Variants in ARHGAP19 observed in about 807,000 individuals in gnomAD.
The protein encoded by ARHGAP19 is Rho GTPase activating protein 19.
ARHGAP19 carries 48 observed loss-of-function variants against 60.9 expected under a neutral mutation model. That is an observed-to-expected ratio of 0.79 (90% CI 0.62 to 1.00). The LOEUF is 1.00. Among genes scored for constraint, ARHGAP19 ranks in the 50% least tolerant of loss-of-function variants. ARHGAP19 has a pLI of 0.00. For missense variants in ARHGAP19, 562 were observed against 597.2 expected (o/e 0.94, Z 0.61); for synonymous variants, 209 against 215.5 (o/e 0.97, Z 0.27).
Position 97,223,754 on chromosome 10 carries a change from T to C in ARHGAP19, c.*2368A>G, listed in dbSNP as rs1186856271. ...GGAGACAGCAGCCTTCTGTGGCAAA[T>C]GATAAAAGGGGTTTTCTCTGTGTTT... On this transcript the variant is annotated 3_prime_UTR_variant, in exon 12 of 12. Coordinates refer to ENST00000358531, the MANE Select transcript of ARHGAP19 (RefSeq NM_032900.6). 6.6e-6 allele frequency: 1 copy of C among 152,080 alleles called. No individual in the cohort carries two copies. Among genetic ancestry groups the C allele is most frequent in the Non-Finnish European group, 1.5e-5 (1 of 68,008 alleles). 9.4% of individuals were successfully genotyped at this position (152,080 alleles called of 1,614,324 possible).
chr10:97,239,661 GA>G (rs1300662707), intron 8 of ARHGAP19, among the ~76,000 whole-genome samples: 11 of 149,716 alleles, frequency 7.3e-5, no homozygotes, highest in Non-Finnish European at 1.2e-4. Context: ...GATATTAGGG[GA>G]AAAAAAAGTA....
intron 6 of ARHGAP19, among the ~76,000 whole-genome samples, chr10:97,249,816 T>G (rs1460702527): frequency 2.7e-5 from 3 of 111,514 alleles, no homozygotes; most frequent in Non-Finnish European, 5.6e-5. Context: ...TTTTTTTTTT[T>G]GAGACGGAGT....
intron 3 of ARHGAP19, 49 bp from the exon 4 acceptor site, chr10:97,263,678 GATT>G: frequency 1.3e-6 from 2 of 1,543,362 alleles, no homozygotes; most frequent in Non-Finnish European, 1.8e-6. Flanking sequence ...GAAGCAGAAA[GATT>G]ATTATTAAAA....
chr10:97,229,904 A>C (rs372348337), intron 9 of ARHGAP19, 30 bp from the exon 10 acceptor site: 2 of 1,474,090 alleles, frequency 1.4e-6, no homozygotes, highest in African/African-American at 2.8e-5. Flanking sequence ...CATTTGATTT[A>C]TAAACACCTA....
intron 6 of ARHGAP19, among the ~76,000 whole-genome samples, chr10:97,249,236 C>T (rs1023539378): frequency 1.6e-4 from 25 of 152,040 alleles, no homozygotes; most frequent in African/African-American, 5.6e-4. Context: ...GGATTATCAA[C>T]GGATGCTAAA....
intron 1 of ARHGAP19, among the ~76,000 whole-genome samples, chr10:97,278,705 G>T (rs190494676): frequency 2.0e-5 from 3 of 152,082 alleles, no homozygotes; most frequent in Admixed American, 1.3e-4. Flanking sequence ...TATGCTCAGT[G>T]AAAGGACTGG....
Position 97,225,830 on chromosome 10 carries a change from G to T in ARHGAP19, c.*292C>A. ...TGGAATCTGCCTAAACACATTGAGTGAGCACTGAAGCCCACCTTAGTGTGC... is the reference window on the plus strand; with the variant it reads ...TGGAATCTGCCTAAACACATTGAGTTAGCACTGAAGCCCACCTTAGTGTGC... On this transcript the variant is annotated 3_prime_UTR_variant, in exon 12 of 12. Coordinates refer to ENST00000358531, the MANE Select transcript of ARHGAP19 (RefSeq NM_032900.6). 2.6e-6 allele frequency: 1 copy of T among 378,338 alleles called. No individual in the cohort carries two copies. Among genetic ancestry groups the T allele is most frequent in the East Asian group, 4.3e-5 (1 of 23,174 alleles). 23.4% of individuals were successfully genotyped at this position (378,338 alleles called of 1,614,324 possible). A position where few individuals can be genotyped will look rare whatever the true frequency, so the allele number is the denominator to read the frequency against.
intron 1 of ARHGAP19, among the ~76,000 whole-genome samples, chr10:97,287,626 C>T (rs1447835266): frequency 2.0e-5 from 3 of 152,076 alleles, no homozygotes; most frequent in Non-Finnish European, 4.4e-5. Context: ...GCCTGTAGTC[C>T]CAGCTACTTG....
At chr10:97,281,114 G>A (rs368113747) in intron 1 of ARHGAP19, among the ~76,000 whole-genome samples, 16 of 151,884 alleles carry the variant, frequency 1.1e-4, no homozygotes, top group East Asian at 9.7e-4. Context: ...CAGGCACAGC[G>A]GCTCATGTCT....
chr10:97,256,507 C>T (rs1032283616), intron 5 of ARHGAP19, 103 bp from the exon 6 acceptor site: 4 of 791,140 alleles, frequency 5.1e-6, no homozygotes, highest in African/African-American at 1.7e-5. Context: ...TATCCCTAGC[C>T]TAGGTGCCTC....
intron 1 of ARHGAP19, chr10:97,270,799 T>C (rs1041072980): frequency 3.0e-6 from 2 of 667,560 alleles, no homozygotes; most frequent in Non-Finnish European, 4.7e-6. Context: ...TGAGCACTCA[T>C]CTGCAAGAAG....
chr10:97,282,181 GA>G (rs374592809), intron 1 of ARHGAP19, among the ~76,000 whole-genome samples: 224 of 152,246 alleles, frequency 1.5e-3, no homozygotes, highest in African/African-American at 5.3e-3. Flanking sequence ...TTCCCTTCAT[GA>G]ATCCAAGCAA....
At chr10:97,274,226 G>T (rs1180705832) in intron 1 of ARHGAP19, among the ~76,000 whole-genome samples, 1 of 152,146 alleles carries the variant, frequency 6.6e-6, no homozygotes, top group Non-Finnish European at 1.5e-5. Context: ...AGCACTTTGG[G>T]AGGCCAAAGT....
chr10:97,253,716 G>A (rs572741382), intron 6 of ARHGAP19, among the ~76,000 whole-genome samples: 1 of 152,118 alleles, frequency 6.6e-6, no homozygotes, highest in Non-Finnish European at 1.5e-5. Context: ...CTTGATCATT[G>A]CACATTCAAT....
intron 6 of ARHGAP19, among the ~76,000 whole-genome samples, chr10:97,249,918 C>T (rs975166396): frequency 6.6e-6 from 1 of 151,594 alleles, no homozygotes; most frequent in African/African-American, 2.4e-5. Context: ...CCTGCCTCAG[C>T]CTCTCCCAGG....
At chr10:97,257,523 C>G (rs1424081047) in intron 5 of ARHGAP19, among the ~76,000 whole-genome samples, 2 of 152,132 alleles carry the variant, frequency 1.3e-5, no homozygotes, top group South Asian at 2.1e-4. Flanking sequence ...CCAGGCTGGT[C>G]TCAACCTCCT....
chr10:97,271,527 C>T (rs922364090), intron 1 of ARHGAP19, among the ~76,000 whole-genome samples: 8 of 151,946 alleles, frequency 5.3e-5, no homozygotes, highest in South Asian at 2.1e-4. Flanking sequence ...TGATCAGTAA[C>T]GCAGAGGAGG....
chr10:97,240,861 G>A (rs2134831760), intron 8 of ARHGAP19, among the ~76,000 whole-genome samples: 2 of 152,280 alleles, frequency 1.3e-5, no homozygotes, highest in South Asian at 4.1e-4. Flanking sequence ...ACACTAGGAG[G>A]AAATACTCTA....
chr10:97,272,689 T>C (rs1292431136), intron 1 of ARHGAP19, among the ~76,000 whole-genome samples: 1 of 152,202 alleles, frequency 6.6e-6, no homozygotes, highest in African/African-American at 2.4e-5. Flanking sequence ...TAAATTTGTA[T>C]ATAATATCCT....
Sources: gnomAD v4.1 joint callset for allele counts (sites outside exome capture counted in the v4.1 genomes callset) on GRCh38, gnomAD v4.1.1 for gene constraint, MANE v1.5 for transcripts, NCBI Gene and HGNC (gene_info 2026-07-23, HGNC 2026-07-21) for gene names.